The following POMT1 variants were observed in gnomAD, a reference collection of about 807,000 sequenced individuals.
POMT1 encodes protein O-mannosyl-transferase 1.
In POMT1, 85 loss-of-function variants were observed where a neutral mutation model predicts 101.6. That is an observed-to-expected ratio of 0.84 (90% confidence interval 0.70 to 1.00). The LOEUF is 1.00. POMT1 is among the 50% of genes least tolerant of loss of function. The probability of loss-of-function intolerance (pLI) is 0.00; values close to 1 mark genes in which losing one functional copy is unlikely to be tolerated. For synonymous variants in POMT1, 371 were observed against 383.0 expected (o/e 0.97, Z 0.37); for missense variants, 857 against 930.4 (o/e 0.92, Z 1.03).
rs572703924 is a variant in POMT1 at position 131,503,850 on chromosome 9, G to C, written c.-30-339G>C. On this transcript the variant is annotated intron_variant, in intron 1 of 19. Coordinates refer to ENST00000402686, the MANE Select transcript of POMT1 (RefSeq NM_001077365.2). This position sits in a 1 kb window ranked among gnomAD's most constrained non-coding sequence, Gnocchi z 4.4. ...TGCCCAGGGTCAGGTAGCTGTGGCC[G>C]CACTGTGGGCTTCTGGTCGTCGGGG... Among the ~76,000 whole-genome samples the C allele has an allele frequency of 7.6e-4, 116 of 152,286 alleles. No homozygotes were observed. The highest frequency in any genetic ancestry group is 6.8e-4 in the Non-Finnish European group (46 of 68,010).
At chr9:131,518,100 A>G (rs1949110005) in intron 13 of POMT1, 1 of 387,854 alleles carries the variant, frequency 2.6e-6, no homozygotes, top group Non-Finnish European at 5.1e-6. Flanking sequence ...CCTGCCAGAT[A>G]GGGACTGAGA....
chr9:131,510,985 A>AT, intron 9 of POMT1: 1 of 265,850 alleles, frequency 3.8e-6, no homozygotes, highest in South Asian at 4.9e-5. Context: ...CCAGTGCTGT[A>AT]GTGCTGTGTG....
chr9:131,507,632 C>T (rs1241033602), intron 5 of POMT1, 118 bp downstream of exon 5: 6 of 1,439,056 alleles, frequency 4.2e-6, no homozygotes, highest in Non-Finnish European at 5.7e-6. Context: ...CTGGTTCATC[C>T]AAATTTGACG....
In POMT1 at chr9:131,522,545, G is replaced by A. The variant is rs1950162717; in HGVS notation, c.2003+321G>A. 10 of 536,638 alleles carry A rather than the reference G, an allele frequency of 1.9e-5. 1 individual carries two copies. The South Asian group carries it at 2.1e-4, about 11-fold the overall frequency. The allele number at this position is 536,638 out of a possible 1,614,324, so 33.2% of individuals were successfully genotyped here. ...GGAGCCTGGGGTGTCAGAAACGGCA[G>A]CTGGTTATGGTCGGGTTGTGTGGTG... is the stretch of plus-strand genomic sequence containing the variant. On this transcript the variant is annotated intron_variant, in intron 19 of 19. Coordinates refer to ENST00000402686, the MANE Select transcript of POMT1 (RefSeq NM_001077365.2). This position sits in a 1 kb window ranked among gnomAD's most constrained non-coding sequence, Gnocchi z 5.5.
rs56692415 is a variant in POMT1 at position 131,504,747 on chromosome 9, A to ATATGTGTGTGTGTGTGTG, written c.122+408_122+409insATGTGTGTGTGTGTGTGT. Among the ~76,000 whole-genome samples, 52 of 122,768 alleles carry ATATGTGTGTGTGTGTGTG rather than the reference A, an allele frequency of 4.2e-4. 1 individual carries two copies. The highest frequency in any genetic ancestry group is 9.1e-4 in the East Asian group (4 of 4,374). 80.5% of individuals were successfully genotyped at this position (122,768 alleles called of 152,430 possible). A position where few individuals can be genotyped will look rare whatever the true frequency, so the allele number is the denominator to read the frequency against. Reference sequence around the variant, plus strand: ...TGAAGGGCTCTTTATTAACTGATTAATGTGTGTATGTGTGTGTGTGTGTGT... The same window carrying ATATGTGTGTGTGTGTGTG: ...TGAAGGGCTCTTTATTAACTGATTAATATGTGTGTGTGTGTGTGTGTGTGTATGTGTGTGTGTGTGTGT... On this transcript the variant is annotated intron_variant, in intron 2 of 19. Coordinates refer to ENST00000402686, the MANE Select transcript of POMT1 (RefSeq NM_001077365.2).
Position 131,508,970 on chromosome 9 carries a change from A to C in POMT1, c.487A>C (p.Asn163His), listed in dbSNP as rs1564342126. The part of the protein sequence containing the change: ...MLLESVLIFF[N>H]LLAVLSYLKF... ...TTTGGAATCAGTGTTAATATTTTTC[A>C]ATCTATTGGCCGTGTTGTCCTACCT... Residue 163 changes from asparagine (N) to histidine (H), a missense_variant, in exon 6 of 20, where the codon AAT becomes CAT. Coordinates refer to ENST00000402686, the MANE Select transcript of POMT1 (RefSeq NM_001077365.2). 6.2e-7 allele frequency: 1 copy of C among 1,613,980 alleles called. No individual in the cohort carries two copies. Among genetic ancestry groups the C allele is most frequent in the Non-Finnish European group, 8.5e-7 (1 of 1,179,932 alleles).
rs149554732 is a variant in POMT1, at chr9:131,504,296, G to A, written c.78G>A (p.Gly26=). The change falls in exon 2 of 20, where the codon GGG becomes GGA. Residue 26 remains glycine, a synonymous_variant. Transcript: ENST00000402686. ...NLSLVALTGM[G]LLSRLWRLTY... is the part of the protein sequence containing the mutation. ...GCCTTGTGGCCCTGACTGGGATGGG[G>A]TTACTGAGCCGGCTGTGGCGACTCA... The A allele has an allele frequency of 1.7e-3, 2,799 of 1,614,210 alleles. 30 individuals are homozygous for A. The African/African-American group carries it at 0.031, about 18-fold the overall frequency.
chr9:131,520,484 G>C (rs896320723), intron 17 of POMT1, among the ~76,000 whole-genome samples: 2 of 152,188 alleles, frequency 1.3e-5, no homozygotes, highest in African/African-American at 4.8e-5. Context: ...TCAATTTTCC[G>C]TGTGGCACCT....
chr9:131,511,361 G>A lies in POMT1; in HGVS notation c.880G>A (p.Gly294Ser), dbSNP rs145395372. 3.1e-6 allele frequency: 5 copies of A among 1,613,912 alleles called. No individual in the cohort carries two copies. The East Asian group carries it at 1.1e-4, about 36-fold the overall frequency. The change falls in exon 10 of 20, where the codon GGT becomes AGT. Residue 294 changes from glycine (G) to serine (S), a missense_variant. Transcript: ENST00000402686. ...LEGGLARITQ[G>S]QPLEVAFGSQ... ...GGGAGGACTAGCTCGGATCACTCAG[G>A]GTCAGCCACTGGAGGTGGCCTTTGG... is the stretch of plus-strand genomic sequence containing the variant.
chr9:131,518,594 C>T (rs1401961278), intron 14 of POMT1, 57 bp downstream of exon 14: 2 of 1,524,616 alleles, frequency 1.3e-6, no homozygotes, highest in African/African-American at 2.7e-5. Context: ...AGTCTGTTTC[C>T]CAAGCCCCTC....
chr9:131,505,968 T>A (rs912980477), intron 2 of POMT1, 146 bp from the exon 3 acceptor site: 3 of 1,092,116 alleles, frequency 2.7e-6, no homozygotes, highest in Non-Finnish European at 4.0e-6. Flanking sequence ...TATTTGGGGA[T>A]GGGAAACAAT....
intron 13 of POMT1, 195 bp from the exon 14 acceptor site, chr9:131,518,250 C>A (rs1379673241): frequency 1.4e-6 from 1 of 709,730 alleles, no homozygotes; most frequent in African/African-American, 1.7e-5. Flanking sequence ...TCCCCAGCGA[C>A]CCTCGGAGCA....
intron 12 of POMT1, 51 bp downstream of exon 12, chr9:131,513,382 TTC>T (rs1239623563): frequency 4.5e-6 from 7 of 1,543,768 alleles, no homozygotes; most frequent in Non-Finnish European, 6.2e-6. Flanking sequence ...TCCTCTGTGG[TTC>T]TCTGTTCAGA....
At chr9:131,511,864 C>A (rs1947183596) in intron 10 of POMT1, 177 bp from the exon 11 acceptor site, 1 of 691,166 alleles carries the variant, frequency 1.4e-6, no homozygotes, top group Non-Finnish European at 2.5e-6. Flanking sequence ...AGATACGTTT[C>A]TTTCCCTTTC....
Position 131,507,498 on chromosome 9 carries a change from T to C in POMT1, c.411T>C (p.Ala137=). The C allele has an allele frequency of 1.2e-6, 2 of 1,614,130 alleles. No individual in the cohort carries two copies. Among genetic ancestry groups the C allele is most frequent in the Non-Finnish European group, 1.7e-6 (2 of 1,180,020 alleles). ...HFSHCAAMGA[A]LLMLIENALI... ...CTCATTGTGCCGCCATGGGAGCTGC[T>C]CTGTTGATGCTTATCGGTAAGACCT... Residue 137 remains alanine, a synonymous_variant, in exon 5 of 20, where the codon GCT becomes GCC. Transcript: ENST00000402686.
At chr9:131,510,988 G>GA in intron 9 of POMT1, 1 of 292,186 alleles carries the variant, frequency 3.4e-6, no homozygotes, top group Non-Finnish European at 6.6e-6. Context: ...GTGCTGTAGT[G>GA]CTGTGTGTTT....
At chr9:131,510,502 T>C (rs2131658681) in intron 9 of POMT1, 87 bp downstream of exon 9, 1 of 1,457,494 alleles carries the variant, frequency 6.9e-7, no homozygotes, top group East Asian at 2.3e-5. Context: ...AAGTGAACAT[T>C]AGCACTTGAA....
chr9:131,518,873 C>T lies in POMT1; in HGVS notation c.1402C>T (p.Gln468Ter), dbSNP rs1378146771. 1.2e-6 allele frequency: 2 copies of T among 1,614,002 alleles called. No homozygotes were observed. The highest frequency in any genetic ancestry group is 1.7e-6 in the Non-Finnish European group (2 of 1,180,028). ...TCACCTCCCTGACTGGGGGTATCGG[C>T]AACTGGAGATCGTCGGGGAGAAGCT... ...GAHLPDWGYR[Q>*]LEIVGEKLSR... Residue 468 changes from glutamine (Q) to a stop codon, truncating the protein, a stop_gained, in exon 15 of 20, where the codon CAA becomes TAA. Transcript: ENST00000402686. LOFTEE classifies it high-confidence loss of function.
intron 17 of POMT1, 124 bp from the exon 18 acceptor site, chr9:131,521,222 T>C: frequency 1.5e-6 from 2 of 1,358,560 alleles, no homozygotes; most frequent in African/African-American, 2.9e-5. Context: ...GATGCTAGGC[T>C]GTGCCTGGCG....
Sources: allele counts gnomAD v4.1 joint callset (sites outside exome capture counted in the v4.1 genomes callset), GRCh38; gene constraint gnomAD v4.1.1; non-coding constraint Gnocchi (gnomAD v3.1); transcripts MANE v1.5; gene names NCBI Gene and HGNC (gene_info 2026-07-23, HGNC 2026-07-21).